Variants in SNTG1 observed in about 807,000 individuals in gnomAD.
SNTG1 encodes gamma-1-syntrophin.
Under a neutral mutation model 74.7 loss-of-function variants are expected in SNTG1, and 39 were observed. The ratio of observed to expected loss-of-function variants is 0.52; its 90% CI spans 0.40 to 0.68. SNTG1 has a LOEUF of 0.68. SNTG1 is among the 30% of genes least tolerant of loss of function. The probability of loss-of-function intolerance (pLI) is 0.00; values close to 1 mark genes in which losing one functional copy is unlikely to be tolerated. For synonymous variants in SNTG1, 254 were observed against 217.1 expected, an observed-to-expected ratio of 1.17 and a Z score of -1.49; for missense variants, 685 against 609.5, an observed-to-expected ratio of 1.12 and a Z score of -1.30.
At chr8:50,544,932 T>C (rs1193297435) in intron 11 of SNTG1, among the ~76,000 whole-genome samples, 1 of 151,998 alleles carries the variant, frequency 6.6e-6, no homozygotes, top group African/African-American at 2.4e-5. Flanking sequence ...CATGGATGAA[T>C]AATACACTAT....
At chr8:50,010,422 T>C (rs941709594) in intron 1 of SNTG1, among the ~76,000 whole-genome samples, 3 of 152,136 alleles carry the variant, frequency 2.0e-5, no homozygotes, top group Non-Finnish European at 2.9e-5. Context: ...TGAGATGCAA[T>C]TAATTCTTGT....
chr8:50,276,847 C>G (rs957379670), intron 2 of SNTG1, among the ~76,000 whole-genome samples: 4 of 151,364 alleles, frequency 2.6e-5, no homozygotes, highest in African/African-American at 9.7e-5. Flanking sequence ...TTTTTCTTTT[C>G]TTTTTTTTGA....
chr8:50,209,617 A>C (rs1440356617), intron 2 of SNTG1, among the ~76,000 whole-genome samples: 1 of 152,234 alleles, frequency 6.6e-6, no homozygotes, highest in African/African-American at 2.4e-5. Context: ...CAGAGTCTGG[A>C]GTGGACCTCC....
intron 2 of SNTG1, among the ~76,000 whole-genome samples, chr8:50,215,237 G>C (rs1192548008): frequency 1.3e-5 from 2 of 151,958 alleles, no homozygotes; most frequent in East Asian, 3.9e-4. Context: ...ACATTCTTCA[G>C]GAGATTTTGA....
chr8:50,536,654 G>T (rs755161186), intron 10 of SNTG1, 24 bp from the exon 11 acceptor site: 1 of 1,607,884 alleles, frequency 6.2e-7, no homozygotes, highest in Non-Finnish European at 8.5e-7. Flanking sequence ...AAAAAATTAC[G>T]TTGAATATTT....
At chr8:50,736,210 C>T (rs1472404788) in intron 17 of SNTG1, among the ~76,000 whole-genome samples, 1 of 151,944 alleles carries the variant, frequency 6.6e-6, no homozygotes, top group Non-Finnish European at 1.5e-5. Context: ...GAAACTGCAT[C>T]AACTAATGGG....
intron 14 of SNTG1, among the ~76,000 whole-genome samples, chr8:50,657,759 A>C (rs1261937421): frequency 6.6e-6 from 1 of 152,150 alleles, no homozygotes; most frequent in Non-Finnish European, 1.5e-5. Flanking sequence ...TAAAATCAAT[A>C]ACATTTTCAT....
chr8:50,010,667 T>TA (rs199621367), intron 1 of SNTG1, among the ~76,000 whole-genome samples: 18 of 151,014 alleles, frequency 1.2e-4, no homozygotes, highest in African/African-American at 2.2e-4. Flanking sequence ...AATGGTAGAT[T>TA]AAAAAAAAAT....
At chr8:50,548,073 G>T (rs1563557340) in intron 11 of SNTG1, among the ~76,000 whole-genome samples, 1 of 152,152 alleles carries the variant, frequency 6.6e-6, no homozygotes, top group Non-Finnish European at 1.5e-5. Context: ...AGGACCTTGG[G>T]GTCCCAGAGA....
chr8:50,732,432 C>T (rs956916148), intron 17 of SNTG1, among the ~76,000 whole-genome samples: 10 of 151,940 alleles, frequency 6.6e-5, no homozygotes, highest in African/African-American at 2.2e-4. Flanking sequence ...ATAAATTTCA[C>T]GTCCTTATGT....
chr8:50,165,586 G>A (rs1180673031), intron 1 of SNTG1, among the ~76,000 whole-genome samples: 1 of 152,076 alleles, frequency 6.6e-6, no homozygotes, highest in Non-Finnish European at 1.5e-5. Context: ...TTCAGCCACG[G>A]ACACTCATCG....
intron 17 of SNTG1, among the ~76,000 whole-genome samples, chr8:50,719,536 C>T (rs1477243605): frequency 6.6e-6 from 1 of 152,118 alleles, no homozygotes; most frequent in Non-Finnish European, 1.5e-5. Context: ...GGAGGAACAG[C>T]CTAACATGCT....
intron 2 of SNTG1, chr8:50,380,956 C>A (rs1236604727): frequency 6.6e-6 from 1 of 152,114 alleles, no homozygotes; most frequent in South Asian, 2.1e-4. Context: ...CAGGCTGTTA[C>A]CATTGTTTGT....
intron 12 of SNTG1, among the ~76,000 whole-genome samples, chr8:50,561,292 C>T (rs2094486833): frequency 6.6e-6 from 1 of 152,166 alleles, no homozygotes; most frequent in Non-Finnish European, 1.5e-5. Context: ...CCTCCCCAGC[C>T]ATGAGGAACT....
At chr8:50,027,955 C>A (rs1008927539) in intron 1 of SNTG1, among the ~76,000 whole-genome samples, 8 of 152,166 alleles carry the variant, frequency 5.3e-5, no homozygotes, top group Non-Finnish European at 1.0e-4. Flanking sequence ...ACCCTTCACC[C>A]AATTTTTCCC....
chr8:49,928,763 A>T (rs1054217615), intron 1 of SNTG1, among the ~76,000 whole-genome samples: 3 of 152,120 alleles, frequency 2.0e-5, no homozygotes, highest in African/African-American at 7.2e-5. Context: ...AGTGCAAGAA[A>T]AAAAATAATA....
At chr8:50,709,927 G>A (rs2095457019) in intron 17 of SNTG1, among the ~76,000 whole-genome samples, 1 of 152,160 alleles carries the variant, frequency 6.6e-6, no homozygotes, top group Non-Finnish European at 1.5e-5. Flanking sequence ...TAGAAATTAA[G>A]TTTTGTGTAG....
Position 50,487,429 on chromosome 8 carries a change from G to A in SNTG1, c.364-15349G>A, listed in dbSNP as rs183460136. Among the ~76,000 whole-genome samples, 1,292 of 152,182 alleles carry A rather than the reference G, an allele frequency of 8.5e-3. 11 individuals carry two copies. Among genetic ancestry groups the A allele is most frequent in the Admixed American group, 0.016 (243 of 15,290 alleles). On this transcript the variant is annotated intron_variant, in intron 8 of 18. Coordinates refer to ENST00000642720, the MANE Select transcript of SNTG1 (RefSeq NM_018967.5). ...CATTATTCACAATAGCAAAGACTTG[G>A]AACCAACCCAAATGTCCAACAATGA... is the stretch of plus-strand genomic sequence containing the variant.
chr8:50,510,658 C>G (rs769016873), intron 9 of SNTG1, among the ~76,000 whole-genome samples: 1 of 152,016 alleles, frequency 6.6e-6, no homozygotes, highest in Non-Finnish European at 1.5e-5. Flanking sequence ...GTGTATATGT[C>G]GAGGAATTTA....
Sources: allele counts gnomAD v4.1 joint callset (sites outside exome capture counted in the v4.1 genomes callset), GRCh38; gene constraint gnomAD v4.1.1; transcripts MANE v1.5; gene names NCBI Gene and HGNC (gene_info 2026-07-23, HGNC 2026-07-21).